Variants in HEATR5B observed in about 807,000 individuals in gnomAD.
HEATR5B encodes the protein HEAT repeat containing 5B, also known as HEAT repeat-containing protein 5B.
In HEATR5B, 156 loss-of-function variants were observed where a neutral mutation model predicts 224.1. That is an observed-to-expected ratio of 0.70 (90% CI 0.61 to 0.80). The LOEUF is 0.80. Ranked by LOEUF, HEATR5B falls within the 30% of genes least tolerant of loss-of-function variation. HEATR5B has a pLI of 0.00. For missense variants in HEATR5B, 2,323 were observed against 2,535.5 expected (o/e 0.92, Z 1.80); for synonymous variants, 1,027 against 893.0 (o/e 1.15, Z -2.68).
rs192582110 is a variant in HEATR5B at position 37,018,871 on chromosome 2, A to G, written c.4104+938T>C. Among the ~76,000 whole-genome samples the G allele has an allele frequency of 2.3e-3, 352 of 152,250 alleles. 4 individuals are homozygous for G. Among genetic ancestry groups the G allele is most frequent in the Non-Finnish European group, 8.7e-4 (59 of 68,018 alleles). On this transcript the variant is annotated intron_variant, in intron 26 of 35. Transcript: ENST00000233099. ...TGATTAAAGGAATAAGAAAATATGCATTTTTTGGGGCAGGGTGTGGTGGCA... is the reference window on the plus strand; with the variant it reads ...TGATTAAAGGAATAAGAAAATATGCGTTTTTTGGGGCAGGGTGTGGTGGCA...
intron 27 of HEATR5B, among the ~76,000 whole-genome samples, chr2:37,011,559 G>C (rs897444622): frequency 6.6e-6 from 1 of 152,112 alleles, no homozygotes; most frequent in South Asian, 2.1e-4. Flanking sequence ...ATCTTTGTAA[G>C]TTATAATTTT....
intron 21 of HEATR5B, among the ~76,000 whole-genome samples, chr2:37,035,103 T>C (rs1434091947): frequency 2.0e-5 from 3 of 152,220 alleles, no homozygotes; most frequent in African/African-American, 4.8e-5. Context: ...CATTTTAATT[T>C]AGTAACAATT....
intron 33 of HEATR5B, among the ~76,000 whole-genome samples, chr2:36,995,424 T>A (rs1316499807): frequency 6.6e-6 from 1 of 152,166 alleles, no homozygotes; most frequent in African/African-American, 2.4e-5. Flanking sequence ...TATATAAATA[T>A]GGCTTTTAAT....
Sources: gnomAD v4.1 joint callset for allele counts (sites outside exome capture counted in the v4.1 genomes callset) on GRCh38, gnomAD v4.1.1 for gene constraint, MANE v1.5 for transcripts, NCBI Gene and HGNC (gene_info 2026-07-23, HGNC 2026-07-21) for gene names.